Variants in ZRANB1 observed in about 807,000 individuals in gnomAD.
The protein encoded by ZRANB1 is ubiquitin thioesterase ZRANB1.
ZRANB1 carries 16 observed loss-of-function variants against 80.5 expected under a neutral mutation model. The ratio of observed to expected loss-of-function variants is 0.20; its 90% confidence interval spans 0.13 to 0.30. ZRANB1 has a LOEUF of 0.30. Ranked by LOEUF, ZRANB1 falls within the 10% of genes least tolerant of loss-of-function variation. The pLI is 1.00. For missense variants in ZRANB1, 576 were observed against 862.6 expected, an observed-to-expected ratio of 0.67 and a Z score of 4.16; for synonymous variants, 291 against 293.1, an observed-to-expected ratio of 0.99 and a Z score of 0.07.
intron 2 of ZRANB1, among the ~76,000 whole-genome samples, chr10:124,968,141 C>T (rs1951791589): frequency 6.6e-6 from 1 of 152,148 alleles, no homozygotes; most frequent in Admixed American, 6.5e-5. Flanking sequence ...AAGTGATCTG[C>T]CCGCCTCGGC....
At chr10:124,951,931 C>G (rs373167420) in intron 1 of ZRANB1, among the ~76,000 whole-genome samples, 1 of 151,492 alleles carries the variant, frequency 6.6e-6, no homozygotes, top group Non-Finnish European at 1.5e-5. Flanking sequence ...CACTCCAGCC[C>G]GGGCAACAAA....
rs1357070405 is a variant in ZRANB1 at position 124,987,462 on chromosome 10, C to G, written c.*2470C>G. 6.6e-6 allele frequency: 1 copy of G among 152,112 alleles called. No individual in the cohort carries two copies. The highest frequency in any genetic ancestry group is 1.5e-5 in the Non-Finnish European group (1 of 68,030). The allele number at this position is 152,112 out of a possible 1,614,324, so 9.4% of individuals were successfully genotyped here. ...GACCTGCCTTTTTATGTTTTTGACT[C>G]TTAGGTTCATCGTGTCCCAGACTTC... On this transcript the variant is annotated 3_prime_UTR_variant, in exon 9 of 9. Coordinates refer to ENST00000359653, the MANE Select transcript of ZRANB1 (RefSeq NM_017580.3).
intron 1 of ZRANB1, among the ~76,000 whole-genome samples, chr10:124,960,781 A>G (rs535884392): frequency 4.6e-5 from 7 of 152,276 alleles, no homozygotes; most frequent in Non-Finnish European, 8.8e-5. Context: ...GGGCTAGACT[A>G]TTCAGTTTCT....
chr10:124,924,459 ACT>A, the ZRANB1 span, among the ~76,000 whole-genome samples: 8 of 151,978 alleles, frequency 5.3e-5, no homozygotes, highest in African/African-American at 1.7e-4. Flanking sequence ...CCAAAAAGAA[ACT>A]CTGTACTCAT....
At chr10:124,974,171 A>T (rs1297814974) in intron 4 of ZRANB1, 29 bp from the exon 5 acceptor site, 2 of 1,608,662 alleles carry the variant, frequency 1.2e-6, no homozygotes, top group Admixed American at 1.7e-5. Flanking sequence ...AGGTATGGAA[A>T]TGAACATGTA....
Position 124,983,263 on chromosome 10 carries a change from A to G in ZRANB1, c.1637A>G (p.Lys546Arg). The G allele has an allele frequency of 1.2e-6, 2 of 1,614,126 alleles. No homozygotes were observed. Among genetic ancestry groups the G allele is most frequent in the Non-Finnish European group, 1.7e-6 (2 of 1,180,004 alleles). ...PIIVYGVKYY[K>R]SFRGETLGYT... Reference sequence around the variant, plus strand: ...ATAGTTTATGGAGTAAAATATTACAAGAGTTTCCGGGGAGAAACTTTAGGA... The same window carrying G: ...ATAGTTTATGGAGTAAAATATTACAGGAGTTTCCGGGGAGAAACTTTAGGA... Residue 546 changes from lysine to arginine, a missense_variant, in exon 7 of 9, where the codon AAG (lysine) becomes AGG (arginine). This residue lies in a region of ZRANB1 where 152 missense variants were observed against 221.9 expected (regional missense o/e 0.69). Transcript: ENST00000359653. This position sits in a 1 kb window ranked among gnomAD's most constrained non-coding sequence, Gnocchi z 6.2.
In ZRANB1 at chr10:124,983,149, T is replaced by G. The variant is rs369817652; in HGVS notation, c.1549-26T>G. Reference sequence around the variant, plus strand: ...TTTTCCAGGAGTGGTAATAAATGTTTTAAGTTTTTGTTTTGTTTCGTACAG... The same window carrying G: ...TTTTCCAGGAGTGGTAATAAATGTTGTAAGTTTTTGTTTTGTTTCGTACAG... On this transcript the variant is annotated intron_variant, in intron 6 of 8. Coordinates refer to ENST00000359653, the MANE Select transcript of ZRANB1 (RefSeq NM_017580.3). The surrounding 1 kb of genome is among the most constrained non-coding windows in gnomAD (Gnocchi z 6.2). 3.8e-6 allele frequency: 6 copies of G among 1,595,392 alleles called. No homozygotes were observed. The highest frequency in any genetic ancestry group is 1.4e-5 in the African/African-American group (1 of 73,880).
At chr10:124,938,287 TA>T (rs1198734285), upstream of ZRANB1, among the ~76,000 whole-genome samples, 1 of 152,158 alleles carries the variant, frequency 6.6e-6, no homozygotes, top group African/African-American at 2.4e-5. Flanking sequence ...TGCTGTTTAC[TA>T]ATTACCACAG....
At chr10:124,958,085 TTTTGTTTATCCTTTCC>T (rs1951701554) in intron 1 of ZRANB1, among the ~76,000 whole-genome samples, 1 of 152,260 alleles carries the variant, frequency 6.6e-6, no homozygotes, top group Non-Finnish European at 1.5e-5. Context: ...GTATACCACA[TTTTGTTTATCCTTTCC>T]TCAGTTGATG....
chr10:124,931,261 G>T, the ZRANB1 span, among the ~76,000 whole-genome samples: 1 of 151,992 alleles, frequency 6.6e-6, no homozygotes, highest in East Asian at 1.9e-4. Flanking sequence ...TTGTAGAGAT[G>T]GAGTCTCACT....
upstream of ZRANB1, among the ~76,000 whole-genome samples, chr10:124,937,333 C>T (rs548815433): frequency 3.3e-5 from 5 of 151,704 alleles, no homozygotes; most frequent in East Asian, 1.9e-4. Context: ...ATTATAGGCA[C>T]CTGCCACCAC....
intron 1 of ZRANB1, chr10:124,962,333 C>T: frequency 2.0e-6 from 2 of 982,514 alleles, no homozygotes; most frequent in Non-Finnish European, 2.4e-6. Flanking sequence ...CCTGACCCCA[C>T]AGCATAAACC....
chr10:124,957,213 C>G (rs981257043), intron 1 of ZRANB1, among the ~76,000 whole-genome samples: 3 of 151,244 alleles, frequency 2.0e-5, no homozygotes, highest in Non-Finnish European at 2.9e-5. Flanking sequence ...TTTGAAGATT[C>G]CACTTTTGCA....
chr10:124,938,906 G>C (rs1951511255), upstream of ZRANB1, among the ~76,000 whole-genome samples: 1 of 152,046 alleles, frequency 6.6e-6, no homozygotes, highest in African/African-American at 2.4e-5. Flanking sequence ...GTCGGGCATA[G>C]TGGCTCGCGC....
the ZRANB1 span, among the ~76,000 whole-genome samples, chr10:124,931,656 C>T: frequency 3.3e-5 from 5 of 152,180 alleles, no homozygotes; most frequent in Non-Finnish European, 7.3e-5. Context: ...CAGGCGTGAG[C>T]CACTGCGCCT....
the ZRANB1 span, among the ~76,000 whole-genome samples, chr10:124,920,761 A>G: frequency 6.6e-6 from 1 of 152,044 alleles, no homozygotes; most frequent in South Asian, 2.1e-4. Context: ...TTCTTAGAAT[A>G]TGCTAGCCTT....
chr10:124,949,687 A>C (rs1250167828), intron 1 of ZRANB1, among the ~76,000 whole-genome samples: 2 of 151,984 alleles, frequency 1.3e-5, no homozygotes, highest in Non-Finnish European at 2.9e-5. Flanking sequence ...ATGCCCCGCC[A>C]ATTTTAAAAA....
chr10:124,942,951 G>A lies in ZRANB1; in HGVS notation c.458G>A (p.Trp153Ter). The A allele has an allele frequency of 6.2e-7, 1 of 1,614,216 alleles. No homozygotes were observed. The highest frequency in any genetic ancestry group is 8.5e-7 in the Non-Finnish European group (1 of 1,180,042). Residue 153 changes from tryptophan (W) to a stop codon, truncating the protein, a stop_gained, in exon 1 of 9, where the codon TGG becomes TAG. Transcript: ENST00000359653. LOFTEE classifies it high-confidence loss of function. ...RNKLNTRTQH[W>*]TCSVCTYENW... Reference sequence around the variant, plus strand: ...AAACTGAACACTAGGACACAGCACTGGACTTGCTCTGTTTGCACATATGAA... The same window carrying A: ...AAACTGAACACTAGGACACAGCACTAGACTTGCTCTGTTTGCACATATGAA...
At chr10:124,917,995 T>G in the ZRANB1 span, among the ~76,000 whole-genome samples, 38 of 152,310 alleles carry the variant, frequency 2.5e-4, no homozygotes, top group African/African-American at 8.9e-4. Flanking sequence ...CCATTATCTT[T>G]GAGATACACT....
Sources: gnomAD v4.1 joint callset for allele counts (sites outside exome capture counted in the v4.1 genomes callset) on GRCh38, gnomAD v4.1.1 for gene constraint, gnomAD v4.1.1 regional missense constraint, Gnocchi (gnomAD v3.1) non-coding constraint, MANE v1.5 for transcripts, NCBI Gene and HGNC (gene_info 2026-07-23, HGNC 2026-07-21) for gene names.